Variants in REG4 observed in about 807,000 individuals in gnomAD.
The protein encoded by REG4 is regenerating islet-derived protein 4.
Under a neutral mutation model 22.3 loss-of-function variants are expected in REG4, and 16 were observed. The observed-to-expected ratio is 0.72, with a 90% CI of 0.49 to 1.09. REG4 has a LOEUF of 1.09. Among genes scored for constraint, REG4 ranks in the 50% least tolerant of loss-of-function variants. The pLI is 0.00. For missense variants in REG4, 214 were observed against 193.9 expected (o/e 1.10, Z -0.61); for synonymous variants, 71 against 69.2 (o/e 1.03, Z -0.13).
chr1:119,807,513 A>G (rs1247106280), intron 2 of REG4, among the ~76,000 whole-genome samples: 1 of 152,200 alleles, frequency 6.6e-6, no homozygotes, highest in African/African-American at 2.4e-5. Flanking sequence ...AAGTTTCACT[A>G]AGTAGGTCTG....
intron 1 of REG4, among the ~76,000 whole-genome samples, chr1:119,810,543 T>A (rs1045438252): frequency 6.6e-6 from 1 of 152,214 alleles, no homozygotes; most frequent in Non-Finnish European, 1.5e-5. Flanking sequence ...CCTTACTTCT[T>A]TTTAAATCAT....
chr1:119,807,566 A>C lies in REG4; in HGVS notation c.67+1137T>G, dbSNP rs587615154. Among the ~76,000 whole-genome samples, 3 of 152,354 alleles carry C rather than the reference A, an allele frequency of 2.0e-5. No homozygotes were observed. The South Asian group carries it at 6.2e-4, about 32-fold the overall frequency. On this transcript the variant is annotated intron_variant, in intron 2 of 5. Transcript: ENST00000256585. Reference sequence around the variant, plus strand: ...GAGTGGCAGGGAACCACCTGGCCACATAGAAATGGCCACAGAAGGCAGCTC... The same window carrying C: ...GAGTGGCAGGGAACCACCTGGCCACCTAGAAATGGCCACAGAAGGCAGCTC...
At chr1:119,797,863 C>T (rs1653978404) in intron 5 of REG4, among the ~76,000 whole-genome samples, 1 of 152,074 alleles carries the variant, frequency 6.6e-6, no homozygotes, top group Non-Finnish European at 1.5e-5. Context: ...ACAGGATAGC[C>T]CCCACAACCA....
At chr1:119,808,627 C>A (rs1230420569) in intron 2 of REG4, 76 bp downstream of exon 2, 8 of 1,029,730 alleles carry the variant, frequency 7.8e-6, no homozygotes, top group African/African-American at 1.6e-5. Context: ...TTTTTGTGGG[C>A]AAATGGATGA....
chr1:119,800,097 A>G (rs1268028776), intron 3 of REG4, among the ~76,000 whole-genome samples: 2 of 152,178 alleles, frequency 1.3e-5, no homozygotes, highest in African/African-American at 4.8e-5. Flanking sequence ...TTAGGGTCTG[A>G]GGACGTGCCC....
At chr1:119,803,693 A>G (rs1654199395) in intron 2 of REG4, among the ~76,000 whole-genome samples, 1 of 152,256 alleles carries the variant, frequency 6.6e-6, no homozygotes, top group Non-Finnish European at 1.5e-5. Flanking sequence ...AGGCATCACA[A>G]GAGTGGATGA....
chr1:119,800,348 G>T (rs1358403840), intron 3 of REG4, among the ~76,000 whole-genome samples: 1 of 152,246 alleles, frequency 6.6e-6, no homozygotes, highest in African/African-American at 2.4e-5. Context: ...ATGATACACA[G>T]TGACACAGTG....
intron 2 of REG4, among the ~76,000 whole-genome samples, chr1:119,807,578 A>G (rs1654361508): frequency 1.3e-5 from 2 of 152,206 alleles, no homozygotes; most frequent in South Asian, 4.1e-4. Context: ...AGAAATGGCC[A>G]CAGAAGGCAG....
At chr1:119,810,451 T>C (rs1015704578) in intron 1 of REG4, among the ~76,000 whole-genome samples, 1 of 152,336 alleles carries the variant, frequency 6.6e-6, no homozygotes, top group East Asian at 1.9e-4. Flanking sequence ...AAATCAATTC[T>C]GGGGTCCATC....
chr1:119,803,027 G>A, intron 3 of REG4, 41 bp downstream of exon 3: 1 of 1,611,780 alleles, frequency 6.2e-7, no homozygotes, highest in Non-Finnish European at 8.5e-7. Context: ...CTGGTCCTTT[G>A]CTCTAGAAAG....
chr1:119,801,020 T>G (rs1313360963), intron 3 of REG4, among the ~76,000 whole-genome samples: 1 of 152,206 alleles, frequency 6.6e-6, no homozygotes, highest in Non-Finnish European at 1.5e-5. Flanking sequence ...TTCTTTCATA[T>G]CCAAGGCCAT....
intron 5 of REG4, among the ~76,000 whole-genome samples, chr1:119,797,984 G>A (rs1326233093): frequency 2.0e-5 from 3 of 152,240 alleles, no homozygotes; most frequent in Non-Finnish European, 4.4e-5. Context: ...TCACGCGAGT[G>A]TGTGCAGCCT....
chr1:119,797,377 G>A (rs1653964374), intron 5 of REG4, among the ~76,000 whole-genome samples: 2 of 152,178 alleles, frequency 1.3e-5, no homozygotes. Flanking sequence ...CTCAGAGTGT[G>A]TCTCCTCATG....
chr1:119,806,756 G>A (rs1180593106), intron 2 of REG4, among the ~76,000 whole-genome samples: 1 of 152,108 alleles, frequency 6.6e-6, no homozygotes, highest in Non-Finnish European at 1.5e-5. Flanking sequence ...GTATCAAGAG[G>A]TTTCAGCTTC....
chr1:119,800,425 C>T (rs2101068762), intron 3 of REG4, among the ~76,000 whole-genome samples: 1 of 152,242 alleles, frequency 6.6e-6, no homozygotes, highest in Middle Eastern at 3.4e-3. Context: ...AGAGAACAGG[C>T]ATTATGGCAG....
rs149817569 is a variant in REG4, at chr1:119,794,641, A to G, written c.454T>C (p.Phe152Leu). 17 of 1,614,158 alleles carry G rather than the reference A, an allele frequency of 1.1e-5. No homozygotes were observed. The highest frequency in any genetic ancestry group is 1.4e-5 in the Non-Finnish European group (17 of 1,179,988). ...CTCTATGGTCGGTACTTGCACAGGAAGTGTTGGCGCTTGTTGCATTCGTTG... is the reference window on the plus strand; with the variant it reads ...CTCTATGGTCGGTACTTGCACAGGAGGTGTTGGCGCTTGTTGCATTCGTTG... Reference protein sequence around the residue: ...SSNECNKRQHFLCKYRP With the variant: ...SSNECNKRQHLLCKYRP The change falls in exon 6 of 6, where the codon TTC becomes CTC. Residue 152 changes from phenylalanine to leucine, a missense_variant. By Grantham distance (22) the Phe-to-Leu change is conservative. Transcript: ENST00000256585.
chr1:119,805,726 C>T (rs1228027827), intron 2 of REG4, among the ~76,000 whole-genome samples: 1 of 152,044 alleles, frequency 6.6e-6, no homozygotes, highest in Non-Finnish European at 1.5e-5. Context: ...TCTTTGTACT[C>T]TCTCTTTTCT....
chr1:119,802,813 G>A (rs1654154203), intron 3 of REG4: 3 of 1,515,008 alleles, frequency 2.0e-6, no homozygotes, highest in Non-Finnish European at 2.7e-6. Flanking sequence ...GCTTGCTGAG[G>A]GTAGGGGCTC....
At chr1:119,803,522 T>A (rs1313846915) in intron 2 of REG4, among the ~76,000 whole-genome samples, 2 of 152,144 alleles carry the variant, frequency 1.3e-5, no homozygotes, top group Non-Finnish European at 2.9e-5. Context: ...GTCCAGTGGG[T>A]CCCCTGAACC....
Sources: allele counts gnomAD v4.1 joint callset (sites outside exome capture counted in the v4.1 genomes callset), GRCh38; gene constraint gnomAD v4.1.1; transcripts MANE v1.5; gene names NCBI Gene and HGNC (gene_info 2026-07-23, HGNC 2026-07-21).